The following SPIDR variants were observed in gnomAD, a reference collection of about 807,000 sequenced individuals.
The protein encoded by SPIDR is scaffold protein involved in DNA repair.
In SPIDR, 93 loss-of-function variants were observed where a neutral mutation model predicts 104.6. The observed-to-expected ratio is 0.89, with a 90% CI of 0.75 to 1.06. SPIDR has a LOEUF of 1.06. Ranked by LOEUF, SPIDR falls within the 50% of genes least tolerant of loss-of-function variation. The pLI, the probability that SPIDR is intolerant of heterozygous loss-of-function variation, is 0.00. For missense variants in SPIDR, 1,154 were observed against 1,111.2 expected, an observed-to-expected ratio of 1.04 and a Z score of -0.55; for synonymous variants, 431 against 416.9, an observed-to-expected ratio of 1.03 and a Z score of -0.41.
chr8:47,506,774 A>G (rs538962068), intron 8 of SPIDR, among the ~76,000 whole-genome samples: 1 of 152,298 alleles, frequency 6.6e-6, no homozygotes, highest in South Asian at 2.1e-4. Flanking sequence ...CTGAGTAGGC[A>G]TATCTTCTAG....
At chr8:47,261,319 C>A (rs1342500605) in intron 1 of SPIDR, among the ~76,000 whole-genome samples, 2 of 152,212 alleles carry the variant, frequency 1.3e-5, no homozygotes, top group African/African-American at 2.4e-5. Flanking sequence ...CTTTTTGATT[C>A]TGGTGTAATG....
At chr8:47,506,427 T>C (rs1379457096) in intron 8 of SPIDR, among the ~76,000 whole-genome samples, 1 of 152,186 alleles carries the variant, frequency 6.6e-6, no homozygotes, top group Non-Finnish European at 1.5e-5. Flanking sequence ...CCAGTGCAGG[T>C]TCTCAGGGTG....
chr8:47,398,946 A>G (rs1403046368), intron 6 of SPIDR, among the ~76,000 whole-genome samples: 1 of 152,198 alleles, frequency 6.6e-6, no homozygotes, highest in East Asian at 1.9e-4. Context: ...TTCCACGGTG[A>G]AAGGCAGGGT....
intron 5 of SPIDR, among the ~76,000 whole-genome samples, chr8:47,312,043 A>G (rs1209716145): frequency 2.6e-5 from 4 of 152,236 alleles, no homozygotes; most frequent in Admixed American, 6.5e-5. Flanking sequence ...TACAAAGGAC[A>G]TGAACTCTTC....
At chr8:47,662,432 C>T (rs959898836) in intron 10 of SPIDR, among the ~76,000 whole-genome samples, 16 of 152,256 alleles carry the variant, frequency 1.1e-4, no homozygotes, top group African/African-American at 3.4e-4. Context: ...ACTATATAAA[C>T]AAAAGAAAAC....
chr8:47,568,855 A>G (rs2058198972), intron 8 of SPIDR, among the ~76,000 whole-genome samples: 1 of 152,258 alleles, frequency 6.6e-6, no homozygotes, highest in South Asian at 2.1e-4. Flanking sequence ...TTAAAGCCCA[A>G]ACATGGAGTG....
At chr8:47,426,666 G>A (rs1211581178) in intron 7 of SPIDR, among the ~76,000 whole-genome samples, 1 of 152,190 alleles carries the variant, frequency 6.6e-6, no homozygotes, top group Non-Finnish European at 1.5e-5. Context: ...AATTGATAAA[G>A]AAATTTATTT....
At chr8:47,349,692 C>T (rs2053027391) in intron 5 of SPIDR, among the ~76,000 whole-genome samples, 1 of 152,232 alleles carries the variant, frequency 6.6e-6, no homozygotes, top group African/African-American at 2.4e-5. Flanking sequence ...GCACCTCCCC[C>T]AGCATCGCTG....
chr8:47,262,860 G>A (rs537495879), intron 1 of SPIDR, among the ~76,000 whole-genome samples: 1 of 152,262 alleles, frequency 6.6e-6, no homozygotes, highest in South Asian at 2.1e-4. Flanking sequence ...TTGGAGTGTT[G>A]ATGTGTAGTG....
chr8:47,520,185 G>A (rs778599325), intron 8 of SPIDR, among the ~76,000 whole-genome samples: 8 of 152,228 alleles, frequency 5.3e-5, no homozygotes, highest in Non-Finnish European at 1.0e-4. Context: ...TTAGGGACAC[G>A]CCTCTTGTAA....
chr8:47,729,290 G>T, intron 18 of SPIDR, 122 bp from the exon 19 acceptor site: 1 of 1,461,502 alleles, frequency 6.8e-7, no homozygotes, highest in South Asian at 1.3e-5. Flanking sequence ...AAGGCCGTGA[G>T]ACTGAAGCTC....
chr8:47,342,956 C>A (rs2051077255), intron 5 of SPIDR, among the ~76,000 whole-genome samples: 1 of 152,174 alleles, frequency 6.6e-6, no homozygotes, highest in Admixed American at 6.5e-5. Context: ...TGTTGAGACA[C>A]ACACTCTCCA....
intron 10 of SPIDR, among the ~76,000 whole-genome samples, chr8:47,662,530 T>C (rs1454209511): frequency 6.6e-6 from 1 of 152,190 alleles, no homozygotes; most frequent in Non-Finnish European, 1.5e-5. Context: ...CCACTGGGTC[T>C]AAGGAGACTG....
intron 11 of SPIDR, among the ~76,000 whole-genome samples, chr8:47,684,649 A>G (rs1469232541): frequency 6.6e-6 from 1 of 152,222 alleles, no homozygotes; most frequent in Non-Finnish European, 1.5e-5. Flanking sequence ...CTTCTTCCTC[A>G]GACTTTCTCT....
chr8:47,376,211 CT>C (rs1444990572), intron 5 of SPIDR, among the ~76,000 whole-genome samples: 4 of 152,184 alleles, frequency 2.6e-5, no homozygotes, highest in African/African-American at 9.7e-5. Flanking sequence ...TTCTGGCTAG[CT>C]TTAAACATGG....
intron 10 of SPIDR, among the ~76,000 whole-genome samples, chr8:47,614,510 C>T (rs1339218937): frequency 6.6e-6 from 1 of 152,198 alleles, no homozygotes; most frequent in Admixed American, 6.5e-5. Context: ...GCGTAAGCCA[C>T]CACGCCCAGC....
At chr8:47,470,634 T>C (rs2075559380) in intron 8 of SPIDR, among the ~76,000 whole-genome samples, 1 of 152,190 alleles carries the variant, frequency 6.6e-6, no homozygotes, top group Admixed American at 6.5e-5. Flanking sequence ...GAACAGTCTT[T>C]TTCAACAAAT....
At chr8:47,347,348 C>T (rs530655836) in intron 5 of SPIDR, among the ~76,000 whole-genome samples, 6 of 152,130 alleles carry the variant, frequency 3.9e-5, no homozygotes, top group Admixed American at 6.5e-5. Context: ...ACATTTGCTG[C>T]GGAGTGCTTT....
intron 10 of SPIDR, among the ~76,000 whole-genome samples, chr8:47,647,655 G>GAGAGAGAGT (rs1299640663): frequency 4.0e-5 from 2 of 50,226 alleles, no homozygotes; most frequent in South Asian, 7.5e-4. Context: ...AGAGAGAGAG[G>GAGAGAGAGT]GAGAGAGAGA....
Sources: gnomAD v4.1 joint callset for allele counts (sites outside exome capture counted in the v4.1 genomes callset) on GRCh38, gnomAD v4.1.1 for gene constraint, MANE v1.5 for transcripts, NCBI Gene and HGNC (gene_info 2026-07-23, HGNC 2026-07-21) for gene names.